ULK4: variants seen among roughly 807,000 people sequenced by gnomAD.
ULK4 encodes unc-51 like kinase 4, also known as inactive serine/threonine-protein kinase ULK4.
A neutral mutation model predicts 160.6 loss-of-function variants in ULK4; 133 were observed. The observed-to-expected ratio is 0.83, with a 90% CI of 0.72 to 0.96. The LOEUF is 0.96. ULK4 is among the 40% of genes least tolerant of loss of function. ULK4 has a pLI of 0.00. For missense variants in ULK4, 1,580 were observed against 1,499.5 expected (o/e 1.05, Z -0.89); for synonymous variants, 534 against 539.8 (o/e 0.99, Z 0.15).
intron 35 of ULK4, among the ~76,000 whole-genome samples, chr3:41,253,678 A>G (rs1048923402): frequency 3.0e-4 from 45 of 152,198 alleles, no homozygotes; most frequent in African/African-American, 9.9e-4. Flanking sequence ...ACCAAGAATT[A>G]CATTAAATGT....
intron 35 of ULK4, among the ~76,000 whole-genome samples, chr3:41,370,604 C>T (rs1191050288): frequency 6.6e-6 from 1 of 152,166 alleles, no homozygotes; most frequent in Non-Finnish European, 1.5e-5. Flanking sequence ...GGGACTGTGC[C>T]ACGAGCGACG....
intron 2 of ULK4, among the ~76,000 whole-genome samples, chr3:41,943,613 C>T (rs1700029010): frequency 6.6e-6 from 1 of 152,174 alleles, no homozygotes; most frequent in African/African-American, 2.4e-5. Flanking sequence ...CCTCTTTCCT[C>T]TCCTCTCCTA....
rs758559010 is a variant in ULK4 at position 41,381,322 on chromosome 3, T to A, written c.3678+16757A>T. ...CCATTAACTGGCAACCCTTCCGGAATCCACATTCAAGCATTCCACATTCTG... is the reference window on the plus strand; with the variant it reads ...CCATTAACTGGCAACCCTTCCGGAAACCACATTCAAGCATTCCACATTCTG... On this transcript the variant is annotated intron_variant, in intron 35 of 36. Transcript: ENST00000301831. Among the ~76,000 whole-genome samples the A allele has an allele frequency of 7.6e-4, 115 of 152,162 alleles. 1 individual carries two copies. The highest frequency in any genetic ancestry group is 1.4e-3 in the Non-Finnish European group (98 of 68,020).
intron 2 of ULK4, among the ~76,000 whole-genome samples, chr3:41,947,208 G>A (rs1449819876): frequency 2.6e-5 from 4 of 152,112 alleles, no homozygotes; most frequent in Non-Finnish European, 5.9e-5. Context: ...CTACTCGGGA[G>A]GCTCAGGCAG....
chr3:41,586,717 G>A (rs1313332594), intron 31 of ULK4, among the ~76,000 whole-genome samples: 3 of 152,106 alleles, frequency 2.0e-5, no homozygotes, highest in African/African-American at 7.2e-5. Flanking sequence ...TGACATATGA[G>A]AATGTAGTCT....
intron 32 of ULK4, among the ~76,000 whole-genome samples, chr3:41,483,785 A>C (rs886696984): frequency 6.6e-6 from 1 of 152,216 alleles, no homozygotes; most frequent in Non-Finnish European, 1.5e-5. Context: ...GTAATATCCA[A>C]GTGGGACCAT....
intron 2 of ULK4, among the ~76,000 whole-genome samples, chr3:41,941,036 CTTT>C (rs564613112): frequency 5.7e-5 from 8 of 141,496 alleles, no homozygotes; most frequent in Non-Finnish European, 7.7e-5. Flanking sequence ...TGTTCTTAAC[CTTT>C]TTTTTTTTTT....
intron 22 of ULK4, among the ~76,000 whole-genome samples, chr3:41,737,435 C>A (rs900308915): frequency 7.2e-5 from 11 of 151,972 alleles, no homozygotes; most frequent in Non-Finnish European, 1.3e-4. Context: ...AATGGCCATA[C>A]TGCCCAAGGT....
At chr3:41,316,085 T>C (rs1031288379) in intron 35 of ULK4, among the ~76,000 whole-genome samples, 5 of 152,180 alleles carry the variant, frequency 3.3e-5, no homozygotes, top group African/African-American at 1.2e-4. Context: ...AAAACACATA[T>C]ACAAATGTTT....
chr3:41,265,965 T>C (rs1296593866), intron 35 of ULK4, among the ~76,000 whole-genome samples: 3 of 152,308 alleles, frequency 2.0e-5, no homozygotes, highest in African/African-American at 7.2e-5. Flanking sequence ...ACACACCCCC[T>C]GCTCTGGGTG....
In ULK4 at chr3:41,674,832, G is replaced by A. The variant is rs536257114; in HGVS notation, c.2978+6676C>T. ...CAGGTACCTTAACGCACATGAGACA[G>A]CAAAGATATGGGTACTGTAACCCTA... On this transcript the variant is annotated intron_variant, in intron 29 of 36. Coordinates refer to ENST00000301831, the MANE Select transcript of ULK4 (RefSeq NM_017886.4). 2.0e-5 allele frequency among the ~76,000 whole-genome samples: 3 copies of A among 152,290 alleles called. No homozygotes were observed. The East Asian group carries it at 5.8e-4, about 29-fold the overall frequency.
chr3:41,910,509 T>C (rs779665492), intron 11 of ULK4, among the ~76,000 whole-genome samples: 10 of 151,838 alleles, frequency 6.6e-5, no homozygotes, highest in Admixed American at 3.3e-4. Context: ...GGCAGGAGAA[T>C]TGCCTGAACC....
rs1213732021 is a variant in ULK4, at chr3:41,681,641, G to A, written c.2845C>T (p.Leu949Phe). 4 of 1,613,388 alleles carry A rather than the reference G, an allele frequency of 2.5e-6. No individual in the cohort carries two copies. Among genetic ancestry groups the A allele is most frequent in the African/African-American group, 2.7e-5 (2 of 74,758 alleles). ...TCTGAGAGCAACCGCAAGCTAAAGA[G>A]TCTCCACTCCACTTGAAAGAAAAAA... ...LVQSQNVEWR[L>F]FSLRLLSETT... The change falls in exon 29 of 37, where the codon CTC becomes TTC. Residue 949 changes from leucine to phenylalanine, a missense_variant. Coordinates refer to ENST00000301831, the MANE Select transcript of ULK4 (RefSeq NM_017886.4).
intron 35 of ULK4, among the ~76,000 whole-genome samples, chr3:41,329,953 C>T (rs1367730798): frequency 6.6e-6 from 1 of 152,174 alleles, no homozygotes; most frequent in African/African-American, 2.4e-5. Flanking sequence ...CTAACTTGTA[C>T]TAACAGGAAG....
At chr3:41,671,379 G>A (rs941458539) in intron 29 of ULK4, among the ~76,000 whole-genome samples, 2 of 151,934 alleles carry the variant, frequency 1.3e-5, no homozygotes, top group Non-Finnish European at 2.9e-5. Flanking sequence ...CATGGTATTG[G>A]TATAAAAACA....
intron 29 of ULK4, among the ~76,000 whole-genome samples, chr3:41,674,729 CAGAG>C (rs1259638818): frequency 6.6e-6 from 1 of 152,150 alleles, no homozygotes; most frequent in Non-Finnish European, 1.5e-5. Flanking sequence ...AATATGAAGT[CAGAG>C]AGAGTCAATG....
chr3:41,814,870 T>G (rs1305957924), intron 19 of ULK4, among the ~76,000 whole-genome samples: 2 of 151,918 alleles, frequency 1.3e-5, no homozygotes, highest in Non-Finnish European at 2.9e-5. Flanking sequence ...CTTTATGTTT[T>G]AGATGTCTTT....
chr3:41,803,923 G>C (rs1278210728), intron 19 of ULK4, among the ~76,000 whole-genome samples: 1 of 152,156 alleles, frequency 6.6e-6, no homozygotes, highest in Non-Finnish European at 1.5e-5. Context: ...CTTTGCTGTT[G>C]TGAATAGTGC....
At chr3:41,593,706 T>A (rs1172011909) in intron 31 of ULK4, among the ~76,000 whole-genome samples, 1 of 152,302 alleles carries the variant, frequency 6.6e-6, no homozygotes, top group South Asian at 2.1e-4. Context: ...TTTTATACAA[T>A]GATGATCTAA....
Sources: gnomAD v4.1 joint callset for allele counts (sites outside exome capture counted in the v4.1 genomes callset) on GRCh38, gnomAD v4.1.1 for gene constraint, MANE v1.5 for transcripts, NCBI Gene and HGNC (gene_info 2026-07-23, HGNC 2026-07-21) for gene names.